Variants in SMC5 observed in about 807,000 individuals in gnomAD.
SMC5 encodes the protein structural maintenance of chromosomes protein 5.
SMC5 carries 88 observed loss-of-function variants against 148.3 expected under a neutral mutation model. The observed-to-expected ratio is 0.59, with a 90% CI of 0.50 to 0.71. SMC5 has a LOEUF of 0.71. Ranked by LOEUF, SMC5 falls within the 30% of genes least tolerant of loss-of-function variation. SMC5 has a pLI of 0.00. For missense variants in SMC5, 1,142 were observed against 1,298.9 expected (o/e 0.88, Z 1.86); for synonymous variants, 421 against 432.8 (o/e 0.97, Z 0.34).
At position 70,352,528 on chromosome 9, in the gene SMC5, T is replaced by G. The variant is rs972110388; in HGVS notation, c.*197T>G. The G allele has an allele frequency of 1.6e-5, 8 of 515,248 alleles. No individual in the cohort carries two copies. Among genetic ancestry groups the G allele is most frequent in the Admixed American group, 3.7e-5 (1 of 27,312 alleles). 31.9% of individuals were successfully genotyped at this position (515,248 alleles called of 1,614,324 possible). ...AGCTGGTAGTAAAAGTTAAGTCTTC[T>G]TCAGTCTTGGTTGAACTTGAGTTCT... On this transcript the variant is annotated 3_prime_UTR_variant, in exon 25 of 25. Coordinates refer to ENST00000361138, the MANE Select transcript of SMC5 (RefSeq NM_015110.4).
intron 1 of SMC5, among the ~76,000 whole-genome samples, chr9:70,259,952 T>G (rs1174801082): frequency 6.6e-6 from 1 of 151,662 alleles, no homozygotes; most frequent in Non-Finnish European, 1.5e-5. Context: ...TTTCCTCTTT[T>G]TTTTTGAGAC....
rs2036603522 is a variant in SMC5, at chr9:70,344,229, A to G, written c.2483A>G (p.Asn828Ser). 3 of 1,548,078 alleles carry G rather than the reference A, an allele frequency of 1.9e-6. No homozygotes were observed. The highest frequency in any genetic ancestry group is 2.6e-6 in the Non-Finnish European group (3 of 1,144,870). ...ELMKRARQVC[N>S]LGAEQTLPQE... ...ATGAAAAGAGCTAGGCAAGTATGTA[A>G]CCTGGGTGCAGAGCAGACTCTTCCT... Residue 828 changes from asparagine to serine, a missense_variant, in exon 18 of 25, where the codon AAC becomes AGC. Asn to Ser is a conservative substitution (Grantham distance 46). This residue lies in a region of SMC5 where 743 missense variants were observed against 835.7 expected (regional missense o/e 0.89). Coordinates refer to ENST00000361138, the MANE Select transcript of SMC5 (RefSeq NM_015110.4).
chr9:70,290,612 T>TC (rs1239379173), intron 8 of SMC5, among the ~76,000 whole-genome samples: 2 of 151,642 alleles, frequency 1.3e-5, no homozygotes, highest in African/African-American at 4.9e-5. Flanking sequence ...TTGTGTAGAT[T>TC]CAGAGTACTA....
rs148399893 is a variant in SMC5 at position 70,346,957 on chromosome 9, G to C, written c.2569-109G>C. The C allele has an allele frequency of 6.0e-4, 473 of 794,712 alleles. 1 individual carries two copies. In the African/African-American group the frequency reaches 7.7e-3, roughly 13 times the overall value. 49.2% of individuals were successfully genotyped at this position (794,712 alleles called of 1,614,324 possible). ...TATTCCTTTGTATTCTTGTGTGCCA[G>C]CATGCTGTTGAACAGATAGATAACT... On this transcript the variant is annotated intron_variant, in intron 19 of 24. Transcript: ENST00000361138.
chr9:70,291,472 C>T (rs2035058756), intron 8 of SMC5, among the ~76,000 whole-genome samples: 1 of 152,208 alleles, frequency 6.6e-6, no homozygotes, highest in Non-Finnish European at 1.5e-5. Flanking sequence ...CTTTCTGGAT[C>T]ATGTACATAG....
rs149006982 is a variant in SMC5 at position 70,352,296 on chromosome 9, C to T, written c.3271C>T (p.Arg1091Trp). ...NTWNLKAFQR[R>W]RRRITFTQPS ...ATGGAATTTAAAGGCTTTCCAAAGG[C>T]GGCGGCGCCGTATTACATTCACTCA... The change falls in exon 25 of 25, where the codon CGG (arginine) becomes TGG (tryptophan). Residue 1091 changes from arginine (R) to tryptophan (W), a missense_variant. By Grantham distance (101) the Arg-to-Trp change is moderately radical. This residue lies in a region of SMC5 where 63 missense variants were observed against 65.7 expected (regional missense o/e 0.96). Coordinates refer to ENST00000361138, the MANE Select transcript of SMC5 (RefSeq NM_015110.4). 1.2e-5 allele frequency: 19 copies of T among 1,612,298 alleles called. No individual in the cohort carries two copies. The highest frequency in any genetic ancestry group is 1.4e-5 in the Non-Finnish European group (17 of 1,179,256).
rs777280591 is a variant in SMC5, at chr9:70,352,171, A to G, written c.3166-20A>G. 7.6e-5 allele frequency: 121 copies of G among 1,594,396 alleles called. 1 individual carries two copies. The highest frequency in any genetic ancestry group is 6.7e-4 in the Middle Eastern group (4 of 5,968). On this transcript the variant is annotated intron_variant, in intron 24 of 24. Transcript: ENST00000361138. ...TTCTCAGTATATAGCTTATATGACA[A>G]TTTGTTTTAATACTTACAGCTCCTG...
At chr9:70,281,276 A>G (rs558227177) in intron 6 of SMC5, among the ~76,000 whole-genome samples, 7 of 152,114 alleles carry the variant, frequency 4.6e-5, no homozygotes, top group Non-Finnish European at 1.0e-4. Flanking sequence ...TCCTGACCTC[A>G]GGTGATCTGC....
chr9:70,297,040 A>C (rs113341168), intron 8 of SMC5, among the ~76,000 whole-genome samples: 3 of 144,106 alleles, frequency 2.1e-5, no homozygotes, highest in Non-Finnish European at 4.6e-5. Flanking sequence ...TTACAGGTTG[A>C]GTATCTCTAT....
In SMC5 at chr9:70,327,318, G is replaced by A. The variant is rs185184087; in HGVS notation, c.2397+3175G>A. The stretch of plus-strand genomic sequence containing the variant: ...GACCCAGGAGCCTACATGAAGAATC[G>A]TATACCCGCCATACATGAAGAGATA... On this transcript the variant is annotated intron_variant, in intron 17 of 24. Coordinates refer to ENST00000361138, the MANE Select transcript of SMC5 (RefSeq NM_015110.4). Among the ~76,000 whole-genome samples the A allele has an allele frequency of 7.2e-5, 11 of 152,098 alleles. No homozygotes were observed. In the East Asian group the frequency reaches 1.2e-3, roughly 16 times the overall value.
At chr9:70,348,099 G>A in intron 22 of SMC5, 61 bp downstream of exon 22, 1 of 1,294,920 alleles carries the variant, frequency 7.7e-7, no homozygotes. Context: ...TATGCTTAAA[G>A]TACATATAAA....
At chr9:70,312,333 G>T (rs764488048) in intron 11 of SMC5, among the ~76,000 whole-genome samples, 2 of 152,024 alleles carry the variant, frequency 1.3e-5, no homozygotes, top group Non-Finnish European at 2.9e-5. Context: ...TAAACCATCA[G>T]ATTGTGTGAG....
intron 17 of SMC5, among the ~76,000 whole-genome samples, chr9:70,332,822 C>A (rs2036254693): frequency 6.6e-6 from 1 of 151,508 alleles, no homozygotes; most frequent in Non-Finnish European, 1.5e-5. Context: ...TATTAACAGA[C>A]CGAAACTGAA....
chr9:70,315,338 G>A, intron 12 of SMC5, 108 bp from the exon 13 acceptor site: 1 of 645,184 alleles, frequency 1.5e-6, no homozygotes, highest in Non-Finnish European at 2.4e-6. Flanking sequence ...CTGTGTCATT[G>A]TTGAAATAAT....
At chr9:70,279,732 G>A (rs191458656) in intron 5 of SMC5, among the ~76,000 whole-genome samples, 299 of 148,358 alleles carry the variant, frequency 2.0e-3, no homozygotes, top group African/African-American at 7.0e-3. Flanking sequence ...CAGGAGAATC[G>A]TTTGAACCTG....
In SMC5 at chr9:70,278,433, A is replaced by T. The variant is rs183238757; in HGVS notation, c.544-58A>T. The stretch of plus-strand genomic sequence containing the variant: ...CAAGTGTAAGCATTGAGTGAAATAC[A>T]TTTTGAAGATATATGTAAATGAATG... On this transcript the variant is annotated intron_variant, in intron 4 of 24. Transcript: ENST00000361138. The T allele has an allele frequency of 2.7e-5, 42 of 1,538,876 alleles. 1 individual carries two copies. In the Admixed American group the frequency reaches 7.7e-4, roughly 28 times the overall value.
intron 4 of SMC5, among the ~76,000 whole-genome samples, 178 bp from the exon 5 acceptor site, chr9:70,278,313 A>G (rs2034651273): frequency 6.6e-6 from 1 of 152,124 alleles, no homozygotes; most frequent in Non-Finnish European, 1.5e-5. Context: ...TCAAAAAGGT[A>G]ACAGTTTATA....
chr9:70,259,347 C>T, intron 1 of SMC5, 84 bp downstream of exon 1: 1 of 1,400,396 alleles, frequency 7.1e-7, no homozygotes, highest in Non-Finnish European at 9.6e-7. Context: ...CGGGCGTGGG[C>T]GTGTGGGTGT....
At chr9:70,307,055 T>C (rs2035520680) in intron 11 of SMC5, among the ~76,000 whole-genome samples, 1 of 152,194 alleles carries the variant, frequency 6.6e-6, no homozygotes, top group African/African-American at 2.4e-5. Flanking sequence ...TTTTTGTTAC[T>C]CAAACAAAAT....
Sources: gnomAD v4.1 joint callset for allele counts (sites outside exome capture counted in the v4.1 genomes callset) on GRCh38, gnomAD v4.1.1 for gene constraint, gnomAD v4.1.1 regional missense constraint, MANE v1.5 for transcripts, NCBI Gene and HGNC (gene_info 2026-07-23, HGNC 2026-07-21) for gene names.